The following IMMP1L variants were observed in gnomAD, a reference collection of about 807,000 sequenced individuals.
IMMP1L encodes the protein inner mitochondrial membrane peptidase subunit 1, also known as mitochondrial inner membrane protease subunit 1.
IMMP1L carries 24 observed loss-of-function variants against 21.8 expected under a neutral mutation model. The observed-to-expected ratio is 1.10, with a 90% CI of 0.80 to 1.55. The LOEUF (loss-of-function observed/expected upper bound fraction) is 1.55. Ranked by LOEUF, IMMP1L falls within the 40% of genes most tolerant of loss-of-function variation. The pLI, the probability that IMMP1L is intolerant of heterozygous loss-of-function variation, is 0.00. For synonymous variants in IMMP1L, 46 were observed against 62.8 expected (o/e 0.73, Z 1.26); for missense variants, 195 against 200.7 (o/e 0.97, Z 0.17).
chr11:31,489,564 T>G (rs1955189333), intron 1 of IMMP1L, among the ~76,000 whole-genome samples: 3 of 151,958 alleles, frequency 2.0e-5, no homozygotes, highest in Admixed American at 2.0e-4. Flanking sequence ...AGTAAACCAT[T>G]AGTTGCATTA....
chr11:31,453,678 T>C (rs564904412), intron 4 of IMMP1L, among the ~76,000 whole-genome samples: 50 of 152,320 alleles, frequency 3.3e-4, no homozygotes, highest in African/African-American at 1.1e-3. Flanking sequence ...GGTTCTGTAA[T>C]AGCTACACAA....
At chr11:31,503,960 G>A (rs1169888280) in intron 1 of IMMP1L, among the ~76,000 whole-genome samples, 1 of 152,168 alleles carries the variant, frequency 6.6e-6, no homozygotes, top group Non-Finnish European at 1.5e-5. Context: ...AAAAAGTGAT[G>A]ATGCGATATA....
chr11:31,454,598 A>G (rs906748786), intron 4 of IMMP1L, among the ~76,000 whole-genome samples: 5 of 152,148 alleles, frequency 3.3e-5, no homozygotes, highest in African/African-American at 9.7e-5. Context: ...ACATCACACT[A>G]TACCCCATAA....
intron 1 of IMMP1L, among the ~76,000 whole-genome samples, chr11:31,484,473 G>A (rs918442326): frequency 1.3e-5 from 2 of 151,844 alleles, no homozygotes; most frequent in African/African-American, 4.8e-5. Context: ...CAGCTGTAGA[G>A]TATTTCATTG....
At chr11:31,508,981 T>C (rs1592064185) in intron 1 of IMMP1L, among the ~76,000 whole-genome samples, 3 of 152,232 alleles carry the variant, frequency 2.0e-5, no homozygotes, top group African/African-American at 7.2e-5. Context: ...TTTTCTGTTA[T>C]TTGCAGCTGC....
intron 1 of IMMP1L, among the ~76,000 whole-genome samples, chr11:31,476,013 A>G (rs1592005059): frequency 6.6e-6 from 1 of 152,186 alleles, no homozygotes; most frequent in Non-Finnish European, 1.5e-5. Context: ...TTAAAAATAA[A>G]TATATAATAC....
intron 1 of IMMP1L, among the ~76,000 whole-genome samples, chr11:31,479,231 C>T (rs1024782380): frequency 6.6e-6 from 1 of 151,908 alleles, no homozygotes; most frequent in Non-Finnish European, 1.5e-5. Flanking sequence ...TTTGATTTGC[C>T]GACAATTTTT....
intron 1 of IMMP1L, among the ~76,000 whole-genome samples, chr11:31,483,737 G>A (rs10488691): frequency 0.25 from 37,954 of 151,754 alleles, 5,260 homozygotes; most frequent in Non-Finnish European, 0.32. Context: ...GCGTTAGTTT[G>A]TTAATCATGA....
intron 1 of IMMP1L, 119 bp from the exon 2 acceptor site, chr11:31,463,424 G>A (rs1008364273): frequency 6.8e-6 from 6 of 884,484 alleles, no homozygotes; most frequent in African/African-American, 3.5e-5. Flanking sequence ...ACAATTTGGT[G>A]CAGGAAACCA....
chr11:31,460,380 G>A (rs1954096569), intron 3 of IMMP1L, among the ~76,000 whole-genome samples: 1 of 151,762 alleles, frequency 6.6e-6, no homozygotes, highest in South Asian at 2.1e-4. Flanking sequence ...ATATTGTAAG[G>A]GACTGCTAAT....
At chr11:31,458,520 A>G (rs1396504077) in intron 3 of IMMP1L, among the ~76,000 whole-genome samples, 3 of 152,140 alleles carry the variant, frequency 2.0e-5, no homozygotes, top group Non-Finnish European at 4.4e-5. Flanking sequence ...TGTGCTTTAG[A>G]TACTAGATAT....
At chr11:31,483,945 T>G (rs1225572411) in intron 1 of IMMP1L, among the ~76,000 whole-genome samples, 9 of 151,912 alleles carry the variant, frequency 5.9e-5, no homozygotes, top group African/African-American at 2.2e-4. Flanking sequence ...TGATTTATAA[T>G]ACTTTTTTTC....
At position 31,456,393 on chromosome 11, in the gene IMMP1L, G is replaced by A; in HGVS notation, c.195-7C>T. ...TGCAATCACAATGTCACCTCTGAGGGGGAAAAGTCAAAGAAATGTCTGTAT... is the reference window on the plus strand; with the variant it reads ...TGCAATCACAATGTCACCTCTGAGGAGGAAAAGTCAAAGAAATGTCTGTAT... On this transcript the variant is annotated splice_region_variant and splice_polypyrimidine_tract_variant and intron_variant, in intron 3 of 5. Transcript: ENST00000532287. 6.2e-7 allele frequency: 1 copy of A among 1,605,386 alleles called. No individual in the cohort carries two copies. The highest frequency in any genetic ancestry group is 8.5e-7 in the Non-Finnish European group (1 of 1,174,522).
At chr11:31,482,010 C>G (rs2133755373) in intron 1 of IMMP1L, among the ~76,000 whole-genome samples, 1 of 152,096 alleles carries the variant, frequency 6.6e-6, no homozygotes, top group South Asian at 2.1e-4. Flanking sequence ...CCTTAATACT[C>G]TAGTAGACTC....
chr11:31,459,776 G>A (rs1354680233), intron 3 of IMMP1L, among the ~76,000 whole-genome samples: 1 of 151,996 alleles, frequency 6.6e-6, no homozygotes, highest in Non-Finnish European at 1.5e-5. Flanking sequence ...ATTTGCCCAG[G>A]AGTTATTCAA....
Position 31,452,387 on chromosome 11 carries a change from C to T in IMMP1L, c.321+3873G>A, listed in dbSNP as rs1953785985. On this transcript the variant is annotated intron_variant, in intron 4 of 5. Coordinates refer to ENST00000532287, the MANE Select transcript of IMMP1L (RefSeq NM_001304274.2). Reference sequence around the variant, plus strand: ...ACAAAATTATAGTGTATTTCTGAGCCCTGGCCCTACATTCCCTAAGGGAAT... The same window carrying T: ...ACAAAATTATAGTGTATTTCTGAGCTCTGGCCCTACATTCCCTAAGGGAAT... The T allele has an allele frequency of 9.1e-6, 9 of 985,236 alleles. No homozygotes were observed. In the South Asian group the frequency reaches 3.3e-4, roughly 36 times the overall value. 61.0% of individuals were successfully genotyped at this position (985,236 alleles called of 1,614,324 possible).
intron 1 of IMMP1L, among the ~76,000 whole-genome samples, chr11:31,497,312 C>T (rs1341678128): frequency 1.3e-5 from 2 of 151,874 alleles, no homozygotes; most frequent in Non-Finnish European, 2.9e-5. Context: ...AAATATTATG[C>T]AAATATTAAC....
chr11:31,488,015 T>G (rs1292960888), intron 1 of IMMP1L, among the ~76,000 whole-genome samples: 1 of 152,134 alleles, frequency 6.6e-6, no homozygotes, highest in Non-Finnish European at 1.5e-5. Flanking sequence ...ATCTATTAAG[T>G]GCCAACTTTA....
intron 4 of IMMP1L, among the ~76,000 whole-genome samples, chr11:31,444,330 TC>T (rs1953442244): frequency 6.6e-6 from 1 of 152,180 alleles, no homozygotes; most frequent in Non-Finnish European, 1.5e-5. Flanking sequence ...GTCCCTGGTT[TC>T]CCAGGCAGTC....
Sources: allele counts gnomAD v4.1 joint callset (sites outside exome capture counted in the v4.1 genomes callset), GRCh38; gene constraint gnomAD v4.1.1; transcripts MANE v1.5; gene names NCBI Gene and HGNC (gene_info 2026-07-23, HGNC 2026-07-21).